Variants in KCNQ4 observed in about 807,000 individuals in gnomAD.
KCNQ4 encodes the protein potassium voltage-gated channel subfamily Q member 4, also known as potassium voltage-gated channel subfamily KQT member 4.
In KCNQ4, 31 loss-of-function variants were observed where a neutral mutation model predicts 72.6. The observed-to-expected ratio is 0.43, with a 90% confidence interval of 0.32 to 0.58. KCNQ4 has a LOEUF of 0.58. Among genes scored for constraint, KCNQ4 ranks in the 20% least tolerant of loss-of-function variants. The pLI, the probability that KCNQ4 is intolerant of heterozygous loss-of-function variation, is 0.08. For missense variants in KCNQ4, 869 were observed against 962.6 expected (o/e 0.90, Z 1.29); for synonymous variants, 405 against 403.7 (o/e 1.00, Z -0.04).
intron 1 of KCNQ4, chr1:40,805,037 T>A (rs1391687924): frequency 1.3e-5 from 2 of 151,986 alleles, no homozygotes; most frequent in Non-Finnish European, 2.9e-5. Context: ...CTGGCCCAGG[T>A]CAGAAACGGA....
chr1:40,809,645 C>G (rs966998214), intron 1 of KCNQ4, among the ~76,000 whole-genome samples: 5 of 152,228 alleles, frequency 3.3e-5, no homozygotes, highest in Non-Finnish European at 7.3e-5. Flanking sequence ...CCACAGTCAT[C>G]TGTCGTCTGA....
In KCNQ4 at chr1:40,833,017, C is replaced by T. The variant is rs145732892; in HGVS notation, c.1517C>T (p.Ala506Val). 5.6e-6 allele frequency: 9 copies of T among 1,612,236 alleles called. No individual in the cohort carries two copies. Among genetic ancestry groups the T allele is most frequent in the Admixed American group, 3.3e-5 (2 of 59,994 alleles). ...RLKPRTSAED[A>V]PSEEVAEEKS... ...TGCCCCATACCTGCCTTTTCAGATGCCCCCTCAGAGGAAGTAGCAGAGGAG... is the reference window on the plus strand; with the variant it reads ...TGCCCCATACCTGCCTTTTCAGATGTCCCCTCAGAGGAAGTAGCAGAGGAG... The change falls in exon 11 of 14, where the codon GCC (alanine) becomes GTC (valine). Residue 506 changes from alanine (A) to valine (V), a missense_variant. By Grantham distance (64) the Ala-to-Val change is moderately conservative. Transcript: ENST00000347132.
intron 1 of KCNQ4, among the ~76,000 whole-genome samples, chr1:40,813,354 C>A (rs546558561): frequency 6.6e-6 from 1 of 152,164 alleles, no homozygotes; most frequent in African/African-American, 2.4e-5. Flanking sequence ...AGGTAGGTGC[C>A]AGATGGTGGC....
At chr1:40,830,772 GTC>G (rs752597111) in intron 9 of KCNQ4, among the ~76,000 whole-genome samples, 28 of 151,992 alleles carry the variant, frequency 1.8e-4, no homozygotes, top group South Asian at 4.2e-4. Flanking sequence ...TCCTGTCTGT[GTC>G]TCTGACTTTG....
At position 40,838,470 on chromosome 1, in the gene KCNQ4, G is replaced by A. The variant is rs2148335227; in HGVS notation, c.2035G>A (p.Val679Ile). The A allele has an allele frequency of 1.2e-6, 2 of 1,614,146 alleles. No individual in the cohort carries two copies. Among genetic ancestry groups the A allele is most frequent in the East Asian group, 2.2e-5 (1 of 44,878 alleles). Residue 679 changes from valine (V) to isoleucine (I), a missense_variant, in exon 14 of 14, where the codon GTC becomes ATC. Val to Ile is a conservative substitution (Grantham distance 29). Coordinates refer to ENST00000347132, the MANE Select transcript of KCNQ4 (RefSeq NM_004700.4). ...CCCTGTGGACCACGAGGACATCTCC[G>A]TCTCCGCACAGACGCTCAGCATCTC... ...HSPVDHEDIS[V>I]SAQTLSISRS...
At chr1:40,836,651 G>A (rs551240290) in intron 12 of KCNQ4, among the ~76,000 whole-genome samples, 57 of 152,300 alleles carry the variant, frequency 3.7e-4, no homozygotes, top group African/African-American at 1.4e-3. Flanking sequence ...ACTAACAAAG[G>A]AGACTGTAAA....
At chr1:40,805,709 C>T (rs995992537) in intron 1 of KCNQ4, among the ~76,000 whole-genome samples, 7 of 152,158 alleles carry the variant, frequency 4.6e-5, no homozygotes, top group Non-Finnish European at 1.0e-4. Flanking sequence ...AGGTTGGGTA[C>T]CGGCTAGTGA....
intron 1 of KCNQ4, among the ~76,000 whole-genome samples, chr1:40,816,162 CTG>C (rs1648079852): frequency 1.3e-5 from 2 of 152,258 alleles, no homozygotes; most frequent in Non-Finnish European, 2.9e-5. Flanking sequence ...GGTGGGGAGA[CTG>C]GGGACATCTG....
chr1:40,785,877 G>A (rs1345698546), intron 1 of KCNQ4, among the ~76,000 whole-genome samples: 4 of 152,122 alleles, frequency 2.6e-5, no homozygotes, highest in Non-Finnish European at 4.4e-5. Flanking sequence ...CGGCCATTAA[G>A]TGCGTTGGGG....
intron 1 of KCNQ4, among the ~76,000 whole-genome samples, chr1:40,813,947 C>T (rs1257469990): frequency 3.3e-5 from 5 of 151,418 alleles, no homozygotes. Flanking sequence ...CAGGGTTTCA[C>T]CGTGTTAGTC....
rs1296480843 is a variant in KCNQ4, at chr1:40,837,925, G to A, written c.1875+131G>A. On this transcript the variant is annotated intron_variant, in intron 13 of 13. Transcript: ENST00000347132. Reference sequence around the variant, plus strand: ...AGAAGACCTAAGAGCCCCCTCCCCGGCCGAAGCCCCCGCCCTCGCCGCCAG... The same window carrying A: ...AGAAGACCTAAGAGCCCCCTCCCCGACCGAAGCCCCCGCCCTCGCCGCCAG... The A allele has an allele frequency of 6.2e-6, 8 of 1,294,054 alleles. No homozygotes were observed. In the Admixed American group the frequency reaches 8.4e-5, roughly 14 times the overall value. The allele number at this position is 1,294,054 out of a possible 1,614,324, so 80.2% of individuals were successfully genotyped here.
Position 40,784,480 on chromosome 1 carries a change from CCTGG to C in KCNQ4, c.314+76_314+79del, listed in dbSNP as rs1407281209. On this transcript the variant is annotated intron_variant, in intron 1 of 13. Transcript: ENST00000347132. This position sits in a 1 kb window ranked among gnomAD's most constrained non-coding sequence, Gnocchi z 4.1. ...GCCTCCCGGGGCACGGCCGCCCCGC[CCTGG>C]CTCCGCCTTCTACCCCCCTGCCTCA... The C allele has an allele frequency of 1.4e-6, 2 of 1,427,268 alleles. No individual in the cohort carries two copies. The highest frequency in any genetic ancestry group is 2.8e-5 in the African/African-American group (2 of 71,120). The allele number at this position is 1,427,268 out of a possible 1,614,324, so 88.4% of individuals were successfully genotyped here.
At position 40,784,322 on chromosome 1, in the gene KCNQ4, C is replaced by CT. The variant is rs748123571; in HGVS notation, c.229_230insT (p.His77LeufsTer159). ...CTGCGGCCAGCGCTCCTCGGCCGCG[C>CT]ACAAGCGCTACCGCCGCCTGCAGAA... On this transcript the variant is annotated frameshift_variant, in exon 1 of 14. Coordinates refer to ENST00000347132, the MANE Select transcript of KCNQ4 (RefSeq NM_004700.4). LOFTEE classifies it high-confidence loss of function. The surrounding 1 kb of genome is among the most constrained non-coding windows in gnomAD (Gnocchi z 4.1). The CT allele has an allele frequency of 1.9e-6, 3 of 1,607,618 alleles. No homozygotes were observed. The South Asian group carries it at 3.3e-5, about 18-fold the overall frequency.
intron 1 of KCNQ4, among the ~76,000 whole-genome samples, chr1:40,814,046 C>CTTTTTTTTTTTTTTTTTT (rs35243800): frequency 3.8e-5 from 2 of 52,708 alleles, no homozygotes; most frequent in Non-Finnish European, 6.6e-5. Flanking sequence ...TGCGCCCGGC[C>CTTTTTTTTTTTTTTTTTT]TTTTTTTTTT....
chr1:40,837,092 T>TTTTCTTTTCTTTTCTTTTC (rs1491238501), intron 12 of KCNQ4, among the ~76,000 whole-genome samples: 4 of 78,472 alleles, frequency 5.1e-5, no homozygotes, highest in African/African-American at 2.6e-4. Context: ...TTTTCTTTTC[T>TTTTCTTTTCTTTTCTTTTC]TTTTTTTTTT....
intron 9 of KCNQ4, among the ~76,000 whole-genome samples, chr1:40,828,343 G>T (rs1397169658): frequency 6.6e-6 from 1 of 152,204 alleles, no homozygotes; most frequent in Non-Finnish European, 1.5e-5. Flanking sequence ...ATTGACATTA[G>T]ATAATTCTTT....
At chr1:40,802,529 G>GC (rs913117334) in intron 1 of KCNQ4, among the ~76,000 whole-genome samples, 7 of 147,242 alleles carry the variant, frequency 4.8e-5, no homozygotes, top group African/African-American at 9.9e-5. Flanking sequence ...ACCATTCCCC[G>GC]CCCCCGGCAT....
intron 1 of KCNQ4, among the ~76,000 whole-genome samples, chr1:40,803,307 C>T (rs1647640721): frequency 6.6e-6 from 1 of 152,230 alleles, no homozygotes; most frequent in South Asian, 2.1e-4. Flanking sequence ...CACCCAATCC[C>T]TTCCTCCCAC....
intron 1 of KCNQ4, among the ~76,000 whole-genome samples, chr1:40,810,966 T>C (rs1647915729): frequency 6.6e-6 from 1 of 152,198 alleles, no homozygotes; most frequent in South Asian, 2.1e-4. Context: ...TTTATTGAGA[T>C]ATAATTCACA....
Sources: allele counts gnomAD v4.1 joint callset (sites outside exome capture counted in the v4.1 genomes callset), GRCh38; gene constraint gnomAD v4.1.1; non-coding constraint Gnocchi (gnomAD v3.1); transcripts MANE v1.5; gene names NCBI Gene and HGNC (gene_info 2026-07-23, HGNC 2026-07-21).